Variants in PDHB observed in about 807,000 individuals in gnomAD.
PDHB encodes the protein pyruvate dehydrogenase E1 subunit beta, also known as pyruvate dehydrogenase E1 component subunit beta, mitochondrial.
Under a neutral mutation model 42.8 loss-of-function variants are expected in PDHB, and 17 were observed. The ratio of observed to expected loss-of-function variants is 0.40; its 90% CI spans 0.27 to 0.60. The LOEUF (loss-of-function observed/expected upper bound fraction) is 0.60, where lower values mean the gene tolerates loss of function less well. PDHB is among the 20% of genes least tolerant of loss of function. PDHB has a pLI of 0.46. For synonymous variants in PDHB, 154 were observed against 148.7 expected, an observed-to-expected ratio of 1.04 and a Z score of -0.26; for missense variants, 322 against 451.3, an observed-to-expected ratio of 0.71 and a Z score of 2.60.
chr3:58,431,213 ATTT>A lies in PDHB; in HGVS notation c.304-274_304-272del, dbSNP rs111261470. Reference sequence around the variant, plus strand: ...GCACCACCACATCTACCTACTTGGTATTTTTTTTTTTTCCCAAATGATGTTTTT... The same window carrying A: ...GCACCACCACATCTACCTACTTGGTATTTTTTTTTCCCAAATGATGTTTTT... On this transcript the variant is annotated intron_variant, in intron 5 of 9. Coordinates refer to ENST00000302746, the MANE Select transcript of PDHB (RefSeq NM_000925.4). The surrounding 1 kb of genome is among the most constrained non-coding windows in gnomAD (Gnocchi z 4.4). The A allele has an allele frequency of 7.1e-6, 3 of 424,428 alleles. No individual in the cohort carries two copies. Among genetic ancestry groups the A allele is most frequent in the Non-Finnish European group, 8.5e-6 (2 of 234,156 alleles). The allele number at this position is 424,428 out of a possible 1,614,324, so 26.3% of individuals were successfully genotyped here.
Position 58,427,632 on chromosome 3 carries a change from A to C in PDHB, c.*402T>G. On this transcript the variant is annotated 3_prime_UTR_variant, in exon 10 of 10. Transcript: ENST00000302746. The stretch of plus-strand genomic sequence containing the variant: ...TGTCTCAAAAAAAAAAAAATTAGTC[A>C]TGTTAGAAATTCCTTTATTCCTTAT... 2.9e-6 allele frequency: 1 copy of C among 340,200 alleles called. No homozygotes were observed. The highest frequency in any genetic ancestry group is 5.7e-6 in the Non-Finnish European group (1 of 174,912). The allele number at this position is 340,200 out of a possible 1,614,324, so 21.1% of individuals were successfully genotyped here.
At position 58,428,629 on chromosome 3, in the gene PDHB, T is replaced by C. The variant is rs369381070; in HGVS notation, c.793-15A>G. ...ATATTTATCACCTAAACAGGTAATA[T>C]AATCAAGTTTACAGAGCTATTGCAG... On this transcript the variant is annotated splice_polypyrimidine_tract_variant and intron_variant, in intron 8 of 9. Transcript: ENST00000302746. The C allele has an allele frequency of 8.1e-6, 13 of 1,605,470 alleles. No individual in the cohort carries two copies. Among genetic ancestry groups the C allele is most frequent in the Non-Finnish European group, 1.1e-5 (13 of 1,172,572 alleles).
In PDHB at chr3:58,433,697, G is replaced by A. The variant is rs773610612; in HGVS notation, c.43-13C>T. On this transcript the variant is annotated splice_polypyrimidine_tract_variant and intron_variant, in intron 1 of 9. Coordinates refer to ENST00000302746, the MANE Select transcript of PDHB (RefSeq NM_000925.4). ...GCAGCCCGGAGACCTGGCAGGGAGA[G>A]AGGAAGATGACGGCGGGACGCAGGG... 2 of 1,612,760 alleles carry A rather than the reference G, an allele frequency of 1.2e-6. No homozygotes were observed. Among genetic ancestry groups the A allele is most frequent in the Admixed American group, 1.7e-5 (1 of 59,896 alleles).
At chr3:58,432,380 G>A (rs1411687245) in intron 2 of PDHB, 2 of 313,740 alleles carry the variant, frequency 6.4e-6, no homozygotes, top group Non-Finnish European at 1.2e-5. Flanking sequence ...GCACATCAAT[G>A]TTCACAGCAG....
intron 6 of PDHB, 72 bp downstream of exon 6, chr3:58,430,585 G>C: frequency 1.6e-6 from 2 of 1,220,860 alleles, no homozygotes; most frequent in East Asian, 2.3e-5. Flanking sequence ...AGACTTTAAT[G>C]GTTTCCTCTG....
intron 2 of PDHB, chr3:58,432,331 G>T: frequency 2.9e-6 from 1 of 346,686 alleles, no homozygotes; most frequent in East Asian, 7.5e-5. Context: ...CTATGTATAT[G>T]CCCCAAATAA....
intron 2 of PDHB, chr3:58,432,199 A>C: frequency 1.7e-6 from 1 of 578,594 alleles, no homozygotes; most frequent in Non-Finnish European, 3.1e-6. Context: ...ACTAGGTGCC[A>C]AGTACTGCCA....
In PDHB at chr3:58,433,832, T is replaced by G. The variant is rs1338305802; in HGVS notation, c.-23A>C. Reference sequence around the variant, plus strand: ...CATCTTGGTCGTGTCCTCTATCCGCTGCCAAACGACAACAGAGGGGCCGGC... The same window carrying G: ...CATCTTGGTCGTGTCCTCTATCCGCGGCCAAACGACAACAGAGGGGCCGGC... On this transcript the variant is annotated 5_prime_UTR_variant, in exon 1 of 10. Coordinates refer to ENST00000302746, the MANE Select transcript of PDHB (RefSeq NM_000925.4). The G allele has an allele frequency of 3.1e-6, 5 of 1,606,578 alleles. No homozygotes were observed. The highest frequency in any genetic ancestry group is 1.7e-5 in the Admixed American group (1 of 59,352).
chr3:58,433,738 TG>T, intron 1 of PDHB, 29 bp downstream of exon 1: 1 of 1,612,456 alleles, frequency 6.2e-7, no homozygotes, highest in African/African-American at 1.3e-5. Context: ...AGGGGTCGCG[TG>T]GGAATACAGG....
At chr3:58,428,392 A>G (rs747186193) in intron 9 of PDHB, 81 bp downstream of exon 9, 14 of 1,494,140 alleles carry the variant, frequency 9.4e-6, no homozygotes, top group South Asian at 4.5e-5. Flanking sequence ...CTAGCTTTCA[A>G]TCTCTTTATC....
intron 8 of PDHB, among the ~76,000 whole-genome samples, chr3:58,429,493 A>G (rs1193487596): frequency 1.3e-5 from 2 of 151,848 alleles, no homozygotes; most frequent in African/African-American, 2.4e-5. Context: ...GAGAGCTCCC[A>G]CTGTCTCTCA....
intron 8 of PDHB, 118 bp from the exon 9 acceptor site, chr3:58,428,732 C>A: frequency 1.1e-6 from 1 of 921,898 alleles, no homozygotes. Context: ...AAAATCTAAT[C>A]TGCCTATGAA....
In PDHB at chr3:58,432,154, G is replaced by C. The variant is rs2062926036; in HGVS notation, c.97-170C>G. The C allele has an allele frequency of 1.7e-5, 11 of 654,006 alleles. No homozygotes were observed. In the South Asian group the frequency reaches 1.9e-4, roughly 11 times the overall value. 40.5% of individuals were successfully genotyped at this position (654,006 alleles called of 1,614,324 possible). On this transcript the variant is annotated intron_variant, in intron 2 of 9. Coordinates refer to ENST00000302746, the MANE Select transcript of PDHB (RefSeq NM_000925.4). ...AAAAGTAACATTTCTATTACACATA[G>C]TTGGTCTTTGCATGTGTTAATGTAC...
chr3:58,430,982 C>T, intron 5 of PDHB, 40 bp from the exon 6 acceptor site: 1 of 1,562,724 alleles, frequency 6.4e-7, no homozygotes, highest in Middle Eastern at 1.7e-4. Context: ...AGACTAGAAA[C>T]AGCAACAAAC....
chr3:58,431,578 A>G lies in PDHB; in HGVS notation c.303+15T>C, dbSNP rs1560188264. Reference sequence around the variant, plus strand: ...GAAATGTCTTTGGATAAGTTTCATAAAGAGTATTACATACCATAGCTGCAC... The same window carrying G: ...GAAATGTCTTTGGATAAGTTTCATAGAGAGTATTACATACCATAGCTGCAC... On this transcript the variant is annotated intron_variant, in intron 5 of 9. Transcript: ENST00000302746. The surrounding 1 kb of genome is among the most constrained non-coding windows in gnomAD (Gnocchi z 4.4). 6.3e-7 allele frequency: 1 copy of G among 1,581,640 alleles called. No homozygotes were observed. Among genetic ancestry groups the G allele is most frequent in the Non-Finnish European group, 8.7e-7 (1 of 1,152,008 alleles).
chr3:58,430,740 C>A lies in PDHB; in HGVS notation c.506G>T (p.Cys169Phe), dbSNP rs1303812287. ...GGGACTGACCACCTTTAAGCCTGGG[C>A]AGTGCCCATACCAGGCAGCAAAGCA... The part of the protein sequence containing the change: ...SQCFAAWYGH[C>F]PGLKVVSPWN... Residue 169 changes from cysteine (C) to phenylalanine (F), a missense_variant, in exon 6 of 10, where the codon TGC becomes TTC. By Grantham distance (205) the Cys-to-Phe change is radical (BLOSUM62 -2). This residue lies in a region of PDHB where 208 missense variants were observed against 285.0 expected (regional missense o/e 0.73). Coordinates refer to ENST00000302746, the MANE Select transcript of PDHB (RefSeq NM_000925.4). The A allele has an allele frequency of 6.2e-7, 1 of 1,613,670 alleles. No homozygotes were observed. The highest frequency in any genetic ancestry group is 1.7e-5 in the Admixed American group (1 of 60,022).
At chr3:58,432,993 T>A (rs181791863) in intron 2 of PDHB, 1 of 152,466 alleles carries the variant, frequency 6.6e-6, no homozygotes, top group African/African-American at 2.4e-5. Context: ...AGGGAGACTA[T>A]CTCAAAAAAA....
At position 58,429,623 on chromosome 3, in the gene PDHB, A is replaced by G. The variant is rs2062902971; in HGVS notation, c.792+85T>C. On this transcript the variant is annotated intron_variant, in intron 8 of 9. Transcript: ENST00000302746. ...AGTGACAAAGCAAGGTTTTACATCT[A>G]ATTAACCTGTTACAGAACTCTTCTG... The G allele has an allele frequency of 3.5e-6, 3 of 867,316 alleles. No homozygotes were observed. The African/African-American group carries it at 4.9e-5, about 14-fold the overall frequency. 53.7% of individuals were successfully genotyped at this position (867,316 alleles called of 1,614,324 possible).
rs202068841 is a variant in PDHB, at chr3:58,431,868, T to C, written c.204+9A>G. On this transcript the variant is annotated intron_variant, in intron 3 of 9. Transcript: ENST00000302746. The surrounding 1 kb of genome is among the most constrained non-coding windows in gnomAD (Gnocchi z 4.4). ...TCAATTTTGTATAACTTTCATATAT[T>C]TTAGTTACCTTGTATGCCCCATCAT... The C allele has an allele frequency of 2.5e-6, 4 of 1,608,612 alleles. No homozygotes were observed. In the African/African-American group the frequency reaches 4.0e-5, roughly 16 times the overall value.
Sources: gnomAD v4.1 joint callset for allele counts (sites outside exome capture counted in the v4.1 genomes callset) on GRCh38, gnomAD v4.1.1 for gene constraint, gnomAD v4.1.1 regional missense constraint, Gnocchi (gnomAD v3.1) non-coding constraint, MANE v1.5 for transcripts, NCBI Gene and HGNC (gene_info 2026-07-23, HGNC 2026-07-21) for gene names.